Variants in CTNNA3 observed in about 807,000 individuals in gnomAD.
The protein encoded by CTNNA3 is catenin alpha-3.
A neutral mutation model predicts 95.7 loss-of-function variants in CTNNA3; 76 were observed. That is an observed-to-expected ratio of 0.79 (90% CI 0.66 to 0.96). The LOEUF (loss-of-function observed/expected upper bound fraction) is 0.96. Among genes scored for constraint, CTNNA3 ranks in the 40% least tolerant of loss-of-function variants. The pLI, the probability that CTNNA3 is intolerant of heterozygous loss-of-function variation, is 0.00. For synonymous variants in CTNNA3, 431 were observed against 374.4 expected (o/e 1.15, Z -1.74); for missense variants, 1,191 against 1,089.8 (o/e 1.09, Z -1.31).
intron 15 of CTNNA3, among the ~76,000 whole-genome samples, chr10:66,014,107 A>ATT (rs5785737): frequency 6.7e-6 from 1 of 149,174 alleles, no homozygotes; most frequent in African/African-American, 2.5e-5. Context: ...TATACGCATA[A>ATT]TTTTTTTTTT....
intron 9 of CTNNA3, among the ~76,000 whole-genome samples, chr10:66,630,802 T>C (rs1845108194): frequency 6.6e-6 from 1 of 152,136 alleles, no homozygotes; most frequent in Non-Finnish European, 1.5e-5. Context: ...CTGTAGAATA[T>C]TTAACTAATA....
chr10:66,926,854 T>G (rs1847107958), intron 7 of CTNNA3: 8 of 1,382,338 alleles, frequency 5.8e-6, no homozygotes, highest in Non-Finnish European at 5.8e-6. Flanking sequence ...TATATGCCTA[T>G]TTTTGCTTGA....
intron 13 of CTNNA3, among the ~76,000 whole-genome samples, chr10:66,279,649 C>T (rs1361083522): frequency 6.6e-6 from 1 of 151,996 alleles, no homozygotes; most frequent in Non-Finnish European, 1.5e-5. Context: ...CAGTTGCCTG[C>T]AGTGACCCAT....
At chr10:66,491,039 C>T (rs1249082943) in intron 11 of CTNNA3, among the ~76,000 whole-genome samples, 1 of 152,112 alleles carries the variant, frequency 6.6e-6, no homozygotes, top group Non-Finnish European at 1.5e-5. Flanking sequence ...TCCTCAAAGC[C>T]CTTTAGGCCC....
intron 7 of CTNNA3, among the ~76,000 whole-genome samples, chr10:67,161,226 T>C (rs1027642781): frequency 6.6e-6 from 1 of 152,034 alleles, no homozygotes; most frequent in African/African-American, 2.4e-5. Context: ...ATAAAAGTAG[T>C]AATCTCTGAA....
intron 17 of CTNNA3, among the ~76,000 whole-genome samples, chr10:65,961,459 C>T (rs1270188549): frequency 1.3e-5 from 2 of 152,114 alleles, no homozygotes; most frequent in African/African-American, 4.8e-5. Flanking sequence ...TAGTCGTTGG[C>T]CACTGCACCA....
At chr10:66,011,967 T>C (rs979765684) in intron 15 of CTNNA3, among the ~76,000 whole-genome samples, 1 of 152,162 alleles carries the variant, frequency 6.6e-6, no homozygotes, top group Non-Finnish European at 1.5e-5. Flanking sequence ...ATAGAATGAC[T>C]GGATGAAAAT....
At chr10:67,020,577 G>A (rs1012432221) in intron 7 of CTNNA3, among the ~76,000 whole-genome samples, 24 of 152,074 alleles carry the variant, frequency 1.6e-4, no homozygotes, top group Admixed American at 7.2e-4. Context: ...ATTTTGTTAT[G>A]TCTTATCCAC....
At chr10:66,374,377 A>T (rs528896462) in intron 12 of CTNNA3, among the ~76,000 whole-genome samples, 1 of 152,256 alleles carries the variant, frequency 6.6e-6, no homozygotes, top group African/African-American at 2.4e-5. Context: ...GTTTAGAATG[A>T]TTATATTTTA....
chr10:67,089,710 TATAC>T (rs1857512783), intron 7 of CTNNA3, among the ~76,000 whole-genome samples: 1 of 130,014 alleles, frequency 7.7e-6, no homozygotes, highest in Non-Finnish European at 1.6e-5. Flanking sequence ...CATATGTGTA[TATAC>T]ATATGTGTGT....
At chr10:66,967,165 G>A (rs1348368045) in intron 7 of CTNNA3, among the ~76,000 whole-genome samples, 2 of 151,922 alleles carry the variant, frequency 1.3e-5, no homozygotes, top group East Asian at 1.9e-4. Flanking sequence ...TTCTGGAAAC[G>A]TGAGATTTTT....
chr10:67,605,719 C>G (rs1008090600), intron 3 of CTNNA3, among the ~76,000 whole-genome samples: 6 of 149,208 alleles, frequency 4.0e-5, no homozygotes, highest in African/African-American at 1.3e-4. Context: ...GCTCTTGTCC[C>G]CCAGGCTGGA....
rs1564797060 is a variant in CTNNA3 at position 67,633,822 on chromosome 10, G to T, written c.99+13593C>A. Reference sequence around the variant, plus strand: ...AAAAACAAAACCTCTGAGAACTACAGGAATACATAAAAAGACCAAACCTAT... The same window carrying T: ...AAAAACAAAACCTCTGAGAACTACATGAATACATAAAAAGACCAAACCTAT... On this transcript the variant is annotated intron_variant, in intron 2 of 17. Transcript: ENST00000433211. Among the ~76,000 whole-genome samples, 4 of 152,114 alleles carry T rather than the reference G, an allele frequency of 2.6e-5. No homozygotes were observed. In the South Asian group the frequency reaches 8.3e-4, roughly 32 times the overall value.
rs185456777 is a variant in CTNNA3 at position 66,015,879 on chromosome 10, A to G, written c.2160-27082T>C. ...CATGTAATATGTTAGATATGAAATTATATGTACATATATATGAAAATATGC... is the reference window on the plus strand; with the variant it reads ...CATGTAATATGTTAGATATGAAATTGTATGTACATATATATGAAAATATGC... On this transcript the variant is annotated intron_variant, in intron 15 of 17. Coordinates refer to ENST00000433211, the MANE Select transcript of CTNNA3 (RefSeq NM_013266.4). 2.4e-3 allele frequency among the ~76,000 whole-genome samples: 367 copies of G among 152,310 alleles called. 3 individuals carry two copies. Among genetic ancestry groups the G allele is most frequent in the African/African-American group, 8.0e-3 (334 of 41,570 alleles).
intron 13 of CTNNA3, among the ~76,000 whole-genome samples, chr10:66,209,633 A>G (rs2088004442): frequency 6.6e-6 from 1 of 152,192 alleles, no homozygotes; most frequent in Admixed American, 6.6e-5. Context: ...GTCAGAGATT[A>G]CAAGGATCTT....
chr10:66,278,831 C>T (rs1182161115), intron 13 of CTNNA3, among the ~76,000 whole-genome samples: 1 of 152,018 alleles, frequency 6.6e-6, no homozygotes, highest in Admixed American at 6.6e-5. Context: ...AGTTCATGTG[C>T]CTTCTTTACA....
chr10:67,445,920 C>A (rs767251737), intron 5 of CTNNA3, among the ~76,000 whole-genome samples: 2 of 152,148 alleles, frequency 1.3e-5, no homozygotes, highest in Non-Finnish European at 2.9e-5. Context: ...GAGAAAGCTT[C>A]ATTTTGTCCT....
chr10:67,662,805 C>G (rs1840226668), intron 1 of CTNNA3, among the ~76,000 whole-genome samples: 1 of 151,738 alleles, frequency 6.6e-6, no homozygotes, highest in Non-Finnish European at 1.5e-5. Flanking sequence ...ATATGGTTGT[C>G]AGAACTCATC....
chr10:67,239,505 A>T (rs981240876), intron 5 of CTNNA3, among the ~76,000 whole-genome samples: 9 of 152,182 alleles, frequency 5.9e-5, no homozygotes, highest in Non-Finnish European at 1.2e-4. Flanking sequence ...TAGAGACTAA[A>T]CAGGGAGGAG....
Sources: gnomAD v4.1 joint callset for allele counts (sites outside exome capture counted in the v4.1 genomes callset) on GRCh38, gnomAD v4.1.1 for gene constraint, MANE v1.5 for transcripts, NCBI Gene and HGNC (gene_info 2026-07-23, HGNC 2026-07-21) for gene names.